Variants in CTNNA3 observed in about 807,000 individuals in gnomAD.
The protein encoded by CTNNA3 is catenin alpha-3.
A neutral mutation model predicts 95.7 loss-of-function variants in CTNNA3; 76 were observed. That is an observed-to-expected ratio of 0.79 (90% CI 0.66 to 0.96). CTNNA3 has a LOEUF of 0.96. CTNNA3 is among the 40% of genes least tolerant of loss of function. The pLI is 0.00. For missense variants in CTNNA3, 1,191 were observed against 1,089.8 expected, an observed-to-expected ratio of 1.09 and a Z score of -1.31; for synonymous variants, 431 against 374.4, an observed-to-expected ratio of 1.15 and a Z score of -1.74.
At chr10:67,626,466 A>T (rs184228212) in intron 2 of CTNNA3, among the ~76,000 whole-genome samples, 1 of 152,300 alleles carries the variant, frequency 6.6e-6, no homozygotes, top group East Asian at 1.9e-4. Flanking sequence ...CTTTGGTTTA[A>T]AAGAAAAAAA....
At chr10:66,337,759 C>T (rs1401289477) in intron 12 of CTNNA3, among the ~76,000 whole-genome samples, 1 of 151,942 alleles carries the variant, frequency 6.6e-6, no homozygotes, top group Non-Finnish European at 1.5e-5. Context: ...TAAATATGAA[C>T]AAGAATGTAA....
chr10:67,258,584 T>C (rs1866455362), intron 5 of CTNNA3, among the ~76,000 whole-genome samples: 1 of 152,220 alleles, frequency 6.6e-6, no homozygotes, highest in Non-Finnish European at 1.5e-5. Flanking sequence ...TATTTTATTG[T>C]AGTAAGAACA....
chr10:66,680,974 A>T, intron 9 of CTNNA3, among the ~76,000 whole-genome samples: 1 of 152,138 alleles, frequency 6.6e-6, no homozygotes, highest in South Asian at 2.1e-4. Flanking sequence ...ACTCTTGGGG[A>T]CTGAGATCAT....
intron 5 of CTNNA3, among the ~76,000 whole-genome samples, chr10:67,232,740 A>G (rs1484515834): frequency 6.6e-5 from 10 of 151,984 alleles, no homozygotes; most frequent in African/African-American, 9.7e-5. Flanking sequence ...ATCAAGACCC[A>G]TCAGTGTGCT....
chr10:67,014,077 C>G (rs541903170), intron 7 of CTNNA3, among the ~76,000 whole-genome samples: 1 of 152,200 alleles, frequency 6.6e-6, no homozygotes, highest in South Asian at 2.1e-4. Context: ...CCCCTTAAAG[C>G]AAAGAATCAA....
intron 7 of CTNNA3, among the ~76,000 whole-genome samples, chr10:67,069,826 T>C (rs1382704307): frequency 2.0e-5 from 3 of 152,166 alleles, no homozygotes; most frequent in Non-Finnish European, 2.9e-5. Flanking sequence ...TAAGGACCCA[T>C]TGATGAGCAT....
intron 3 of CTNNA3, among the ~76,000 whole-genome samples, chr10:67,588,722 A>G (rs566522788): frequency 5.3e-5 from 8 of 152,176 alleles, no homozygotes; most frequent in African/African-American, 1.9e-4. Flanking sequence ...TTTTAAGTTA[A>G]TTATCCACTT....
At chr10:66,036,936 G>T (rs185333363) in intron 15 of CTNNA3, among the ~76,000 whole-genome samples, 1 of 132,062 alleles carries the variant, frequency 7.6e-6, no homozygotes, top group Non-Finnish European at 1.5e-5. Context: ...GCAGTGGCGC[G>T]ATCTCAGCTC....
chr10:67,146,653 T>C (rs2132055577), intron 7 of CTNNA3, among the ~76,000 whole-genome samples: 1 of 152,318 alleles, frequency 6.6e-6, no homozygotes, highest in East Asian at 1.9e-4. Flanking sequence ...AGAGAGATGC[T>C]TGCATAGGCA....
rs147563488 is a variant in CTNNA3, at chr10:66,371,956, G to A, written c.1732+7196C>T. On this transcript the variant is annotated intron_variant, in intron 12 of 17. Coordinates refer to ENST00000433211, the MANE Select transcript of CTNNA3 (RefSeq NM_013266.4). ...GTAGAACCATCTGAAATGTGGTAGCGAATAAATGTACCAGCTGTGTGGTCC... is the reference window on the plus strand; with the variant it reads ...GTAGAACCATCTGAAATGTGGTAGCAAATAAATGTACCAGCTGTGTGGTCC... Among the ~76,000 whole-genome samples the A allele has an allele frequency of 1.3e-3, 205 of 152,248 alleles. 1 individual carries two copies. Among genetic ancestry groups the A allele is most frequent in the African/African-American group, 4.5e-3 (189 of 41,570 alleles).
intron 7 of CTNNA3, among the ~76,000 whole-genome samples, chr10:67,114,134 T>C (rs1859050277): frequency 6.6e-6 from 1 of 151,960 alleles, no homozygotes; most frequent in Non-Finnish European, 1.5e-5. Flanking sequence ...AATTAATGTA[T>C]ATCAAAATAT....
chr10:67,693,801 A>G (rs140356536), intron 1 of CTNNA3, among the ~76,000 whole-genome samples: 1 of 151,938 alleles, frequency 6.6e-6, no homozygotes, highest in Non-Finnish European at 1.5e-5. Context: ...TCTTCCTTCT[A>G]CTCTATTTAC....
intron 9 of CTNNA3, among the ~76,000 whole-genome samples, chr10:66,763,337 C>CAG (rs1204351413): frequency 8.7e-5 from 11 of 126,630 alleles, no homozygotes; most frequent in South Asian, 2.8e-4. Context: ...CACACACACA[C>CAG]ACACAGAGAG....
At chr10:66,134,259 A>G (rs1204010317) in intron 13 of CTNNA3, among the ~76,000 whole-genome samples, 1 of 152,138 alleles carries the variant, frequency 6.6e-6, no homozygotes, top group Non-Finnish European at 1.5e-5. Flanking sequence ...CTAGCAAAAA[A>G]TTTAAAATCT....
intron 1 of CTNNA3, among the ~76,000 whole-genome samples, chr10:67,762,636 GT>G (rs1564848345): frequency 6.6e-6 from 1 of 152,144 alleles, no homozygotes; most frequent in Non-Finnish European, 1.5e-5. Flanking sequence ...CAGGGTATAG[GT>G]AAGGGAGGAG....
At chr10:66,730,154 T>C (rs1848913999) in intron 9 of CTNNA3, among the ~76,000 whole-genome samples, 2 of 151,026 alleles carry the variant, frequency 1.3e-5, no homozygotes, top group Non-Finnish European at 3.0e-5. Context: ...TGTATTCATA[T>C]ATTCATTGCA....
intron 3 of CTNNA3, among the ~76,000 whole-genome samples, chr10:67,586,266 C>G (rs765218435): frequency 2.4e-4 from 37 of 152,156 alleles, no homozygotes; most frequent in Admixed American, 2.4e-3. Context: ...GGAGAACATT[C>G]CATTGCTAAT....
chr10:65,957,312 C>T (rs2077751672), intron 17 of CTNNA3, among the ~76,000 whole-genome samples: 1 of 152,186 alleles, frequency 6.6e-6, no homozygotes, highest in Non-Finnish European at 1.5e-5. Flanking sequence ...CTCCTGAATA[C>T]AGCATGCTGA....
intron 7 of CTNNA3, among the ~76,000 whole-genome samples, chr10:67,014,865 C>T (rs934634361): frequency 3.9e-5 from 6 of 151,918 alleles, no homozygotes; most frequent in African/African-American, 1.4e-4. Context: ...GAGATGTATA[C>T]ATACATAAGC....
Sources: gnomAD v4.1 joint callset for allele counts (sites outside exome capture counted in the v4.1 genomes callset) on GRCh38, gnomAD v4.1.1 for gene constraint, MANE v1.5 for transcripts, NCBI Gene and HGNC (gene_info 2026-07-23, HGNC 2026-07-21) for gene names.